PRKN: variants seen among roughly 807,000 people sequenced by gnomAD.
The protein encoded by PRKN is E3 ubiquitin-protein ligase parkin.
In PRKN, 56 loss-of-function variants were observed where a neutral mutation model predicts 59.5. That is an observed-to-expected ratio of 0.94 (90% confidence interval 0.76 to 1.18). The LOEUF (loss-of-function observed/expected upper bound fraction) is 1.18, where lower values mean the gene tolerates loss of function less well. PRKN is among the 50% of genes most tolerant of loss of function. The pLI is 0.00. For missense variants in PRKN, 657 were observed against 596.4 expected (o/e 1.10, Z -1.06); for synonymous variants, 250 against 222.1 (o/e 1.13, Z -1.12).
intron 7 of PRKN, among the ~76,000 whole-genome samples, chr6:161,710,476 T>C (rs1562624391): frequency 6.6e-6 from 1 of 152,214 alleles, no homozygotes; most frequent in Non-Finnish European, 1.5e-5. Context: ...TTCTTCTTCT[T>C]CTTCATATCC....
At chr6:161,500,252 A>G (rs952302082) in intron 9 of PRKN, among the ~76,000 whole-genome samples, 2 of 151,904 alleles carry the variant, frequency 1.3e-5, no homozygotes, top group African/African-American at 2.4e-5. Flanking sequence ...CTCCCCCACT[A>G]TCAGTGTTCC....
chr6:162,184,234 T>C (rs9355987), intron 4 of PRKN, among the ~76,000 whole-genome samples: 78,242 of 152,098 alleles, frequency 0.51, 22,942 homozygotes, highest in Non-Finnish European at 0.66. Flanking sequence ...CAAAAATTAC[T>C]GATTGCATAA....
At chr6:161,537,512 C>T (rs958770777) in intron 9 of PRKN, among the ~76,000 whole-genome samples, 3 of 150,482 alleles carry the variant, frequency 2.0e-5, no homozygotes, top group Non-Finnish European at 4.4e-5. Context: ...AGTTTAGTGG[C>T]GTGATCTCGG....
intron 3 of PRKN, among the ~76,000 whole-genome samples, chr6:162,207,690 C>T (rs2128333406): frequency 6.6e-6 from 1 of 152,296 alleles, no homozygotes; most frequent in East Asian, 1.9e-4. Flanking sequence ...CATGTGCACA[C>T]CACTGGCCCT....
intron 1 of PRKN, among the ~76,000 whole-genome samples, chr6:162,446,424 T>C (rs968701192): frequency 6.6e-6 from 1 of 152,194 alleles, no homozygotes; most frequent in South Asian, 2.1e-4. Context: ...GAACTCCTAC[T>C]GCAAGGATGA....
intron 7 of PRKN, among the ~76,000 whole-genome samples, chr6:161,572,869 T>G (rs187631089): frequency 8.3e-4 from 126 of 152,184 alleles, no homozygotes; most frequent in South Asian, 2.7e-3. Flanking sequence ...TTGTTGATTT[T>G]GGGGTTGCTA....
At chr6:161,623,527 T>C (rs1410114100) in intron 7 of PRKN, among the ~76,000 whole-genome samples, 1 of 152,248 alleles carries the variant, frequency 6.6e-6, no homozygotes, top group African/African-American at 2.4e-5. Flanking sequence ...CAGACAGCTT[T>C]TTAAAAACTG....
intron 2 of PRKN, among the ~76,000 whole-genome samples, chr6:162,340,717 G>A (rs996107086): frequency 6.6e-6 from 1 of 152,146 alleles, no homozygotes; most frequent in African/African-American, 2.4e-5. Flanking sequence ...GGGAAAACTG[G>A]CTAGCCATAT....
chr6:162,153,039 C>T (rs547324299), intron 4 of PRKN, among the ~76,000 whole-genome samples: 1 of 152,280 alleles, frequency 6.6e-6, no homozygotes, highest in African/African-American at 2.4e-5. Context: ...ATTTTAAATG[C>T]CTGAATTACC....
chr6:162,020,347 A>T (rs867824682), intron 5 of PRKN, among the ~76,000 whole-genome samples: 6,515 of 150,316 alleles, frequency 0.043, 640 homozygotes, highest in African/African-American at 0.15. Flanking sequence ...AAAAAAAAAA[A>T]AAAAAAAAAA....
At chr6:162,679,331 T>C (rs1214624111) in intron 1 of PRKN, among the ~76,000 whole-genome samples, 1 of 152,064 alleles carries the variant, frequency 6.6e-6, no homozygotes, top group East Asian at 1.9e-4. Flanking sequence ...CTTGGACTCC[T>C]GACCTCAAGT....
At chr6:161,772,706 T>C (rs1419783214) in intron 7 of PRKN, among the ~76,000 whole-genome samples, 1 of 152,186 alleles carries the variant, frequency 6.6e-6, no homozygotes, top group African/African-American at 2.4e-5. Flanking sequence ...AAATCTCTGA[T>C]TGTAAGCTTA....
chr6:162,191,463 G>A (rs1784274105), intron 4 of PRKN, among the ~76,000 whole-genome samples: 1 of 152,044 alleles, frequency 6.6e-6, no homozygotes, highest in Non-Finnish European at 1.5e-5. Context: ...TTATTTTTGA[G>A]ACGGAGCCTC....
At chr6:162,571,009 T>G (rs187053424) in intron 1 of PRKN, among the ~76,000 whole-genome samples, 192 of 152,306 alleles carry the variant, frequency 1.3e-3, no homozygotes, top group East Asian at 0.01. Context: ...TTGTGATTAT[T>G]TCACATTGCA....
chr6:162,658,430 C>T (rs1340568810), intron 1 of PRKN, among the ~76,000 whole-genome samples: 1 of 152,010 alleles, frequency 6.6e-6, no homozygotes, highest in African/African-American at 2.4e-5. Context: ...GGGAGACCGA[C>T]GCGGGCAGAT....
At chr6:161,610,861 G>T (rs759051510) in intron 7 of PRKN, among the ~76,000 whole-genome samples, 1 of 152,212 alleles carries the variant, frequency 6.6e-6, no homozygotes, top group African/African-American at 2.4e-5. Flanking sequence ...GCCAGAGGTT[G>T]TGATAGGAGA....
At position 161,362,043 on chromosome 6, in the gene PRKN, G is replaced by C. The variant is rs1784996116; in HGVS notation, c.1168-1838C>G. Among the ~76,000 whole-genome samples the C allele has an allele frequency of 6.6e-6, 1 of 152,160 alleles. No homozygotes were observed. The highest frequency in any genetic ancestry group is 1.5e-5 in the Non-Finnish European group (1 of 68,034). On this transcript the variant is annotated intron_variant, in intron 10 of 11. Transcript: ENST00000366898. This position sits in a 1 kb window ranked among gnomAD's most constrained non-coding sequence, Gnocchi z 5.2. The stretch of plus-strand genomic sequence containing the variant: ...TGTTCTTTTTCAGGTCTAGGGCTCT[G>C]TAGCTCTGCAGCAATGGTTTAGATT...
chr6:161,636,475 T>C (rs553914343), intron 7 of PRKN, among the ~76,000 whole-genome samples: 11 of 152,328 alleles, frequency 7.2e-5, no homozygotes, highest in Non-Finnish European at 1.3e-4. Context: ...AGTCATGGCA[T>C]GGGGGCTGCT....
chr6:161,900,473 T>C (rs1432477593), intron 6 of PRKN, among the ~76,000 whole-genome samples: 2 of 142,368 alleles, frequency 1.4e-5, no homozygotes, highest in African/African-American at 5.2e-5. Context: ...TAATTTACTA[T>C]GTAATATATA....
Sources: allele counts gnomAD v4.1 joint callset (sites outside exome capture counted in the v4.1 genomes callset), GRCh38; gene constraint gnomAD v4.1.1; non-coding constraint Gnocchi (gnomAD v3.1); transcripts MANE v1.5; gene names NCBI Gene and HGNC (gene_info 2026-07-23, HGNC 2026-07-21).